Variants in EPHA3 observed in about 807,000 individuals in gnomAD.
EPHA3 encodes ephrin type-A receptor 3.
In EPHA3, 42 loss-of-function variants were observed where a neutral mutation model predicts 107.1. That is an observed-to-expected ratio of 0.39 (90% CI 0.31 to 0.51). The LOEUF (loss-of-function observed/expected upper bound fraction) is 0.51. Ranked by LOEUF, EPHA3 falls within the 20% of genes least tolerant of loss-of-function variation. The pLI is 0.78. For synonymous variants in EPHA3, 461 were observed against 424.8 expected (o/e 1.09, Z -1.05); for missense variants, 1,183 against 1,211.2 (o/e 0.98, Z 0.35).
chr3:89,203,324 T>TAAA (rs138552890), intron 2 of EPHA3, among the ~76,000 whole-genome samples: 5 of 138,362 alleles, frequency 3.6e-5, no homozygotes, highest in East Asian at 2.1e-4. Context: ...TAGCCGGAAT[T>TAAA]AAAAAAAAAA....
chr3:89,153,226 CAGAG>C (rs1704725412), intron 2 of EPHA3, among the ~76,000 whole-genome samples: 1 of 151,990 alleles, frequency 6.6e-6, no homozygotes. Flanking sequence ...GTAAATGAGT[CAGAG>C]AGAAGATGAG....
At chr3:89,312,760 A>AGT (rs907836419) in intron 3 of EPHA3, among the ~76,000 whole-genome samples, 8 of 151,832 alleles carry the variant, frequency 5.3e-5, no homozygotes, top group Admixed American at 1.3e-4. Flanking sequence ...AGAAGGCCCC[A>AGT]GTGTGTGTGG....
chr3:89,277,033 C>T (rs1427020511), intron 3 of EPHA3, among the ~76,000 whole-genome samples: 2 of 152,046 alleles, frequency 1.3e-5, no homozygotes, highest in Admixed American at 1.3e-4. Flanking sequence ...CTTAATCCAC[C>T]TCCCCAATGA....
chr3:89,419,340 G>A lies in EPHA3; in HGVS notation c.2024G>A (p.Gly675Glu). The A allele has an allele frequency of 6.2e-7, 1 of 1,609,872 alleles. No homozygotes were observed. Among genetic ancestry groups the A allele is most frequent in the Non-Finnish European group, 8.5e-7 (1 of 1,177,494 alleles). ...TTCCTGGGAGAAGCAAGCATTATGG[G>A]ACAGTTTGACCACCCCAATATCATT... Reference protein sequence around the residue: ...RDFLGEASIMGQFDHPNIIRL... With the variant: ...RDFLGEASIMEQFDHPNIIRL... Residue 675 changes from glycine to glutamate, a missense_variant, in exon 11 of 17, where the codon GGA becomes GAA. Physicochemically the swap from Gly to Glu is moderately conservative, Grantham distance 98. Coordinates refer to ENST00000336596, the MANE Select transcript of EPHA3 (RefSeq NM_005233.6).
At chr3:89,232,303 G>A (rs1477404760) in intron 3 of EPHA3, among the ~76,000 whole-genome samples, 2 of 152,242 alleles carry the variant, frequency 1.3e-5, no homozygotes, top group African/African-American at 4.8e-5. Flanking sequence ...TTCTGGCCAG[G>A]CTGATAGATT....
At chr3:89,232,507 G>A (rs1352542549) in intron 3 of EPHA3, among the ~76,000 whole-genome samples, 1 of 152,116 alleles carries the variant, frequency 6.6e-6, no homozygotes, top group Non-Finnish European at 1.5e-5. Flanking sequence ...AGAATAGCAT[G>A]CTTGCTATAC....
chr3:89,450,217 C>G lies in EPHA3; in HGVS notation c.2537C>G (p.Pro846Arg), dbSNP rs1315283374. ...AVDEGYRLPPPMDCPAALYQL... is the reference protein window; with the variant it reads ...AVDEGYRLPPRMDCPAALYQL... ...GATGAGGGCTATCGACTGCCACCCC[C>G]CATGGACTGCCCAGCTGCCTTGTAT... The change falls in exon 15 of 17, where the codon CCC becomes CGC. Residue 846 changes from proline to arginine, a missense_variant. Transcript: ENST00000336596. The G allele has an allele frequency of 6.8e-6, 11 of 1,612,818 alleles. No homozygotes were observed. The highest frequency in any genetic ancestry group is 9.3e-6 in the Non-Finnish European group (11 of 1,179,462).
chr3:89,403,345 GT>G (rs1306688301), intron 7 of EPHA3, among the ~76,000 whole-genome samples: 1 of 152,012 alleles, frequency 6.6e-6, no homozygotes, highest in Non-Finnish European at 1.5e-5. Context: ...TGTTCTATAA[GT>G]TATTCAGATA....
At chr3:89,433,784 C>T (rs1709615690) in intron 13 of EPHA3, among the ~76,000 whole-genome samples, 1 of 152,138 alleles carries the variant, frequency 6.6e-6, no homozygotes, top group African/African-American at 2.4e-5. Context: ...TAGCTCTGAA[C>T]ATGATGAAAT....
chr3:89,399,295 A>C, intron 6 of EPHA3, 23 bp from the exon 7 acceptor site: 2 of 1,582,922 alleles, frequency 1.3e-6, no homozygotes, highest in African/African-American at 2.7e-5. Context: ...TTTTAACATG[A>C]ATTTTTTTTT....
chr3:89,390,632 ATC>A (rs1322805278), intron 5 of EPHA3, among the ~76,000 whole-genome samples: 1 of 150,366 alleles, frequency 6.7e-6, no homozygotes, highest in African/African-American at 2.4e-5. Context: ...GGTACTTTGC[ATC>A]TCTCCGTTAT....
At position 89,290,739 on chromosome 3, in the gene EPHA3, T is replaced by A. The variant is rs568221076; in HGVS notation, c.815-50177T>A. 1.3e-3 allele frequency among the ~76,000 whole-genome samples: 203 copies of A among 152,058 alleles called. 1 individual carries two copies. The highest frequency in any genetic ancestry group is 2.3e-3 in the Non-Finnish European group (155 of 68,030). ...CTGATGAATTTGTTTTTATTGTCAC[T>A]GTGTGAGTTTTCAGGCACATAAAGT... On this transcript the variant is annotated intron_variant, in intron 3 of 16. Coordinates refer to ENST00000336596, the MANE Select transcript of EPHA3 (RefSeq NM_005233.6).
intron 5 of EPHA3, among the ~76,000 whole-genome samples, chr3:89,348,233 T>G (rs1246116042): frequency 1.1e-4 from 15 of 130,962 alleles, no homozygotes; most frequent in Non-Finnish European, 2.3e-4. Context: ...CGGCTGTGAA[T>G]CCATCTGGTC....
intron 13 of EPHA3, among the ~76,000 whole-genome samples, chr3:89,432,837 C>T (rs186344897): frequency 6.6e-6 from 1 of 152,024 alleles, no homozygotes; most frequent in East Asian, 1.9e-4. Flanking sequence ...AGGCACTTTA[C>T]TTATATATAA....
intron 12 of EPHA3, 94 bp from the exon 13 acceptor site, chr3:89,431,056 G>A (rs1709557097): frequency 7.6e-7 from 1 of 1,308,752 alleles, no homozygotes; most frequent in Admixed American, 2.2e-5. Flanking sequence ...AGTCAGTCTT[G>A]TTACAAAATT....
intron 3 of EPHA3, among the ~76,000 whole-genome samples, chr3:89,270,241 TTTA>T (rs1407582868): frequency 1.3e-5 from 2 of 152,116 alleles, no homozygotes; most frequent in African/African-American, 4.8e-5. Flanking sequence ...TGTTATTATT[TTTA>T]TTACTACTAC....
rs149870293 is a variant in EPHA3, at chr3:89,164,255, G to A, written c.153+36982G>A. Among the ~76,000 whole-genome samples, 301 of 152,256 alleles carry A rather than the reference G, an allele frequency of 2.0e-3. 1 individual carries two copies. Among genetic ancestry groups the A allele is most frequent in the Non-Finnish European group, 3.3e-3 (225 of 68,010 alleles). On this transcript the variant is annotated intron_variant, in intron 2 of 16. Coordinates refer to ENST00000336596, the MANE Select transcript of EPHA3 (RefSeq NM_005233.6). ...ATAAAATACACTGACACTAACAATA[G>A]CTAATGAGCTTAAAAAATAATCACC...
chr3:89,415,595 T>A (rs1424698503), intron 10 of EPHA3, among the ~76,000 whole-genome samples: 1 of 150,342 alleles, frequency 6.7e-6, no homozygotes, highest in Non-Finnish European at 1.5e-5. Context: ...ATACTTATAC[T>A]ATAAATGATA....
intron 15 of EPHA3, among the ~76,000 whole-genome samples, chr3:89,459,421 C>A (rs1385641601): frequency 4.0e-5 from 6 of 151,464 alleles, no homozygotes; most frequent in Non-Finnish European, 1.5e-5. Flanking sequence ...TCCTCTTTTT[C>A]TTACTCTTTC....
Sources: allele counts gnomAD v4.1 joint callset (sites outside exome capture counted in the v4.1 genomes callset), GRCh38; gene constraint gnomAD v4.1.1; transcripts MANE v1.5; gene names NCBI Gene and HGNC (gene_info 2026-07-23, HGNC 2026-07-21).